The following PARP16 variants were observed in gnomAD, a reference collection of about 807,000 sequenced individuals.
PARP16 encodes the protein protein mono-ADP-ribosyltransferase PARP16.
Under a neutral mutation model 35.0 loss-of-function variants are expected in PARP16, and 31 were observed. The observed-to-expected ratio is 0.88, with a 90% CI of 0.66 to 1.19. The LOEUF (loss-of-function observed/expected upper bound fraction) is 1.19. Among genes scored for constraint, PARP16 ranks in the 50% most tolerant of loss-of-function variants. The probability of loss-of-function intolerance (pLI) is 0.00; values close to 1 mark genes in which losing one functional copy is unlikely to be tolerated. For missense variants in PARP16, 424 were observed against 411.2 expected (o/e 1.03, Z -0.27); for synonymous variants, 162 against 169.5 (o/e 0.96, Z 0.34).
At chr15:65,285,910 C>A (rs1039799910) in intron 1 of PARP16, among the ~76,000 whole-genome samples, 1 of 152,190 alleles carries the variant, frequency 6.6e-6, no homozygotes, top group Non-Finnish European at 1.5e-5. Flanking sequence ...GGATAACTTT[C>A]TAGCTAAGCA....
downstream of PARP16, among the ~76,000 whole-genome samples, chr15:65,254,007 G>A (rs1369705158): frequency 3.9e-5 from 6 of 152,056 alleles, no homozygotes; most frequent in African/African-American, 1.2e-4. Flanking sequence ...TAGTAGAGAA[G>A]GGGTTTCACC....
At chr15:65,232,173 T>C (rs563769804), downstream of PARP16, among the ~76,000 whole-genome samples, 7 of 152,202 alleles carry the variant, frequency 4.6e-5, no homozygotes, top group South Asian at 4.1e-4. Flanking sequence ...CTCTTAAGAA[T>C]AGGGAAATTA....
intron 1 of PARP16, among the ~76,000 whole-genome samples, chr15:65,281,821 G>C (rs1158694511): frequency 6.6e-6 from 1 of 152,124 alleles, no homozygotes; most frequent in Non-Finnish European, 1.5e-5. Context: ...CCAAGAGCTT[G>C]GTTCAGCAGT....
chr15:65,253,260 C>T (rs1047393367), downstream of PARP16, among the ~76,000 whole-genome samples: 9 of 152,298 alleles, frequency 5.9e-5, no homozygotes, highest in African/African-American at 2.2e-4. Flanking sequence ...CAACAAATGT[C>T]CACAACCTTC....
At chr15:65,282,717 C>T (rs1595724127) in intron 1 of PARP16, 1 of 152,286 alleles carries the variant, frequency 6.6e-6, no homozygotes, top group South Asian at 2.1e-4. Flanking sequence ...CTATCTGGGA[C>T]TGGTACAATA....
chr15:65,248,982 A>G (rs1392993056), intron 2 of PARP16, among the ~76,000 whole-genome samples: 1 of 152,152 alleles, frequency 6.6e-6, no homozygotes, highest in Non-Finnish European at 1.5e-5. Context: ...TCTATTGCCA[A>G]CTAGATGATT....
At chr15:65,256,407 C>CT (rs11422149), downstream of PARP16, among the ~76,000 whole-genome samples, 47,522 of 121,488 alleles carry the variant, frequency 0.39, 11,180 homozygotes, top group East Asian at 0.86. Flanking sequence ...CTGCCCACGG[C>CT]TTTTTTTTTT....
chr15:65,273,453 GC>G (rs2090154360), intron 1 of PARP16, among the ~76,000 whole-genome samples: 1 of 151,166 alleles, frequency 6.6e-6, no homozygotes, highest in Non-Finnish European at 1.5e-5. Context: ...ATTTCTTAAG[GC>G]CAGGAGTTAG....
At chr15:65,233,351 A>C (rs2088804477), downstream of PARP16, among the ~76,000 whole-genome samples, 1 of 152,206 alleles carries the variant, frequency 6.6e-6, no homozygotes, top group Non-Finnish European at 1.5e-5. Flanking sequence ...GCAGTGAGCC[A>C]AGATCGCGCC....
At chr15:65,257,884 C>T (rs1011642359), downstream of PARP16, among the ~76,000 whole-genome samples, 1 of 152,142 alleles carries the variant, frequency 6.6e-6, no homozygotes, top group African/African-American at 2.4e-5. Flanking sequence ...TTTGATCCTG[C>T]TCGTATTCCT....
intron 2 of PARP16, among the ~76,000 whole-genome samples, chr15:65,252,695 A>G (rs901040164): frequency 1.3e-5 from 2 of 152,084 alleles, no homozygotes; most frequent in Admixed American, 6.6e-5. Context: ...ATCCCTAGTG[A>G]TTTCTCTTTC....
intron 3 of PARP16, among the ~76,000 whole-genome samples, chr15:65,236,801 T>C (rs1305448107): frequency 6.6e-6 from 1 of 151,808 alleles, no homozygotes; most frequent in African/African-American, 2.4e-5. Context: ...TGAAACCCCA[T>C]CTCTACTAAA....
intron 3 of PARP16, among the ~76,000 whole-genome samples, chr15:65,235,731 C>G (rs759654885): frequency 1.3e-5 from 2 of 151,262 alleles, no homozygotes; most frequent in Non-Finnish European, 2.9e-5. Context: ...ATCGCCTGAG[C>G]CTGGAGTCGA....
intron 5 of PARP16, 72 bp from the exon 6 acceptor site, chr15:65,259,614 T>A (rs745744771): frequency 3.6e-6 from 5 of 1,403,724 alleles, no homozygotes; most frequent in Non-Finnish European, 5.0e-6. Flanking sequence ...GTACAACAAG[T>A]CTGGCTCTAA....
downstream of PARP16, among the ~76,000 whole-genome samples, chr15:65,257,290 G>A (rs560410612): frequency 2.4e-3 from 372 of 152,194 alleles, 4 homozygotes; most frequent in African/African-American, 8.5e-3. Context: ...GGTGGCATGC[G>A]CCTGTAATCC....
rs60229565 is a variant in PARP16 at position 65,269,174 on chromosome 15, T to TC, written c.312+1760_312+1761insG. On this transcript the variant is annotated intron_variant, in intron 2 of 5. Coordinates refer to ENST00000649807, the MANE Select transcript of PARP16 (RefSeq NM_001316943.2). ...TCACACCTGGCCCATTTTAGTCGGT[T>TC]TTTTTCTTTCTTTCTTTCTTTCTTT... 6.0e-3 allele frequency among the ~76,000 whole-genome samples: 878 copies of TC among 146,836 alleles called. 6 individuals are homozygous for TC. Among genetic ancestry groups the TC allele is most frequent in the African/African-American group, 7.1e-3 (283 of 39,858 alleles).
intron 1 of PARP16, among the ~76,000 whole-genome samples, chr15:65,284,634 T>C (rs2090526317): frequency 6.6e-6 from 1 of 151,166 alleles, no homozygotes; most frequent in South Asian, 2.1e-4. Flanking sequence ...CCTATAATTT[T>C]CTTTTTTTGT....
chr15:65,270,498 T>G (rs1248161035), intron 2 of PARP16, among the ~76,000 whole-genome samples: 1 of 152,160 alleles, frequency 6.6e-6, no homozygotes, highest in Non-Finnish European at 1.5e-5. Flanking sequence ...ATGGTCAGGG[T>G]CACCCTAATC....
chr15:65,254,773 C>T (rs1596000863), downstream of PARP16, among the ~76,000 whole-genome samples: 1 of 152,240 alleles, frequency 6.6e-6, no homozygotes, highest in East Asian at 1.9e-4. Flanking sequence ...CTGAATTGGG[C>T]TGTTTAAATC....
Sources: gnomAD v4.1 joint callset for allele counts (sites outside exome capture counted in the v4.1 genomes callset) on GRCh38, gnomAD v4.1.1 for gene constraint, MANE v1.5 for transcripts, NCBI Gene and HGNC (gene_info 2026-07-23, HGNC 2026-07-21) for gene names.